Variants in PDE4D observed in about 807,000 individuals in gnomAD.
PDE4D encodes 3',5'-cyclic-AMP phosphodiesterase 4D.
Under a neutral mutation model 87.4 loss-of-function variants are expected in PDE4D, and 24 were observed. That is an observed-to-expected ratio of 0.27 (90% CI 0.20 to 0.39). The LOEUF is 0.39. Among genes scored for constraint, PDE4D ranks in the 10% least tolerant of loss-of-function variants. PDE4D has a pLI of 1.00. For synonymous variants in PDE4D, 384 were observed against 383.2 expected, an observed-to-expected ratio of 1.00 and a Z score of -0.02; for missense variants, 714 against 1,041.0, an observed-to-expected ratio of 0.69 and a Z score of 4.32.
intron 5 of PDE4D, among the ~76,000 whole-genome samples, chr5:59,062,845 C>T (rs556899570): frequency 2.0e-5 from 3 of 151,862 alleles, no homozygotes; most frequent in Non-Finnish European, 4.4e-5. Flanking sequence ...TTCCTGCCAC[C>T]CCCACCCCCT....
intron 1 of PDE4D, among the ~76,000 whole-genome samples, chr5:60,301,500 G>A (rs554943764): frequency 1.8e-4 from 28 of 152,144 alleles, no homozygotes; most frequent in Middle Eastern, 3.4e-3. Flanking sequence ...TCATGATTTG[G>A]CTCTCTGCTT....
At position 59,537,619 on chromosome 5, in the gene PDE4D, G is replaced by A. The variant is rs145793723; in HGVS notation, c.456-321651C>T. Among the ~76,000 whole-genome samples the A allele has an allele frequency of 4.8e-3, 731 of 152,236 alleles. 4 individuals are homozygous for A. Among genetic ancestry groups the A allele is most frequent in the African/African-American group, 0.016 (672 of 41,548 alleles). On this transcript the variant is annotated intron_variant, in intron 1 of 14. Transcript: ENST00000340635. ...TTCATAAGTATGGAGAAAATGTTAG[G>A]TGAAACTTTGCAGAATCATTTATAA... is the stretch of plus-strand genomic sequence containing the variant.
intron 5 of PDE4D, chr5:59,165,176 G>C (rs1314898736): frequency 6.6e-6 from 1 of 152,134 alleles, no homozygotes; most frequent in Non-Finnish European, 1.5e-5. Context: ...TTTCTTTCAG[G>C]AATATACTTT....
intron 1 of PDE4D, among the ~76,000 whole-genome samples, chr5:60,384,119 T>C (rs983266017): frequency 3.3e-5 from 5 of 152,152 alleles, no homozygotes; most frequent in Non-Finnish European, 7.4e-5. Context: ...CCTGTGATAA[T>C]TCAAACAGAA....
intron 5 of PDE4D, among the ~76,000 whole-genome samples, chr5:59,048,961 CT>C (rs1405601637): frequency 6.6e-6 from 1 of 152,146 alleles, no homozygotes; most frequent in Non-Finnish European, 1.5e-5. Context: ...TCCTTAAACC[CT>C]GGTTTTATTG....
intron 6 of PDE4D, among the ~76,000 whole-genome samples, chr5:59,030,655 C>T (rs1271544294): frequency 6.6e-6 from 1 of 151,814 alleles, no homozygotes; most frequent in Admixed American, 6.6e-5. Flanking sequence ...TCATTGAGCC[C>T]GAGAATTTGA....
At chr5:60,317,963 G>T (rs1343896918) in intron 1 of PDE4D, among the ~76,000 whole-genome samples, 2 of 152,228 alleles carry the variant, frequency 1.3e-5, no homozygotes, top group African/African-American at 4.8e-5. Context: ...TGTATATTCT[G>T]TAGATTTGGG....
At chr5:60,445,828 C>T (rs1745598145) in intron 1 of PDE4D, among the ~76,000 whole-genome samples, 2 of 152,084 alleles carry the variant, frequency 1.3e-5, no homozygotes, top group Admixed American at 1.3e-4. Flanking sequence ...AAGACTCAAT[C>T]ACATGCACAA....
intron 2 of PDE4D, among the ~76,000 whole-genome samples, chr5:60,052,986 T>A (rs1665640498): frequency 6.6e-6 from 1 of 152,146 alleles, no homozygotes; most frequent in African/African-American, 2.4e-5. Flanking sequence ...TTACAAAGGA[T>A]GTGAAGGACC....
chr5:60,220,384 C>A (rs1258357421), intron 1 of PDE4D, among the ~76,000 whole-genome samples: 2 of 152,152 alleles, frequency 1.3e-5, no homozygotes, highest in African/African-American at 4.8e-5. Flanking sequence ...TAATGGCAAC[C>A]TATCCCATTT....
rs547136902 is a variant in PDE4D, at chr5:59,131,586, G to T, written c.808+49009C>A. 1.1e-3 allele frequency among the ~76,000 whole-genome samples: 126 copies of T among 119,934 alleles called. 1 individual carries two copies. The highest frequency in any genetic ancestry group is 4.0e-3 in the African/African-American group (122 of 30,358). The allele number at this position is 119,934 out of a possible 152,430, so 78.7% of individuals were successfully genotyped here. On this transcript the variant is annotated intron_variant, in intron 5 of 14. Transcript: ENST00000340635. ...TTGGTTAAATTTAAAGAAATAATAAGGCCAATTTAAAACACACACACACAC... is the reference window on the plus strand; with the variant it reads ...TTGGTTAAATTTAAAGAAATAATAATGCCAATTTAAAACACACACACACAC...
chr5:59,258,733 CAGTT>C (rs1161829318), intron 1 of PDE4D, among the ~76,000 whole-genome samples: 2 of 147,826 alleles, frequency 1.4e-5, no homozygotes, highest in Non-Finnish European at 1.5e-5. Context: ...ATATATATAT[CAGTT>C]AGAAATATCA....
intron 2 of PDE4D, among the ~76,000 whole-genome samples, chr5:60,041,472 T>C (rs1384776617): frequency 6.6e-6 from 1 of 152,152 alleles, no homozygotes; most frequent in Non-Finnish European, 1.5e-5. Context: ...GTTCTAATGG[T>C]AACATTTGAA....
chr5:59,699,368 AAG>A (rs1293509393), intron 1 of PDE4D, among the ~76,000 whole-genome samples: 2 of 152,158 alleles, frequency 1.3e-5, no homozygotes, highest in Non-Finnish European at 2.9e-5. Flanking sequence ...ATAAAATAAA[AAG>A]AGTTAGCTCT....
intron 3 of PDE4D, among the ~76,000 whole-genome samples, chr5:59,924,109 C>T (rs781165497): frequency 6.6e-6 from 1 of 152,032 alleles, no homozygotes; most frequent in Non-Finnish European, 1.5e-5. Context: ...CTCTTAATGG[C>T]AGAATTATCA....
intron 1 of PDE4D, among the ~76,000 whole-genome samples, chr5:59,552,065 A>C (rs183000785): frequency 1.4e-4 from 21 of 152,240 alleles, no homozygotes; most frequent in African/African-American, 4.8e-4. Context: ...AAAATTTTTG[A>C]AAAACTGTCC....
At chr5:59,130,958 T>C (rs2153450788) in intron 5 of PDE4D, among the ~76,000 whole-genome samples, 1 of 152,310 alleles carries the variant, frequency 6.6e-6, no homozygotes, top group Middle Eastern at 3.4e-3. Flanking sequence ...AAACCATCCA[T>C]TCATTAGTGA....
At chr5:59,251,025 A>G (rs1226983084) in intron 1 of PDE4D, among the ~76,000 whole-genome samples, 3 of 152,172 alleles carry the variant, frequency 2.0e-5, no homozygotes, top group Non-Finnish European at 2.9e-5. Context: ...ACACAAAAAA[A>G]TTCAAGATGG....
In PDE4D at chr5:59,258,421, C is replaced by T. The variant is rs140290213; in HGVS notation, c.456-42453G>A. 9.5e-4 allele frequency among the ~76,000 whole-genome samples: 145 copies of T among 151,910 alleles called. 1 individual carries two copies. The highest frequency in any genetic ancestry group is 3.4e-3 in the African/African-American group (141 of 41,470). ...TAAGCTCCAGGAAGGGAGGGAGGCA[C>T]CATTGCATCTCCAGAGCCTAGCACA... On this transcript the variant is annotated intron_variant, in intron 1 of 14. Transcript: ENST00000340635.
Sources: gnomAD v4.1 joint callset for allele counts (sites outside exome capture counted in the v4.1 genomes callset) on GRCh38, gnomAD v4.1.1 for gene constraint, MANE v1.5 for transcripts, NCBI Gene and HGNC (gene_info 2026-07-23, HGNC 2026-07-21) for gene names.